Variants in OPRM1 observed in about 807,000 individuals in gnomAD.
OPRM1 encodes opioid receptor mu 1.
OPRM1 carries 27 observed loss-of-function variants against 31.8 expected under a neutral mutation model. That is an observed-to-expected ratio of 0.85 (90% CI 0.63 to 1.17). The LOEUF is 1.17. Ranked by LOEUF, OPRM1 falls within the 50% of genes most tolerant of loss-of-function variation. OPRM1 has a pLI of 0.00. For missense variants in OPRM1, 536 were observed against 511.1 expected (o/e 1.05, Z -0.47); for synonymous variants, 196 against 189.9 (o/e 1.03, Z -0.26).
chr6:154,107,948 T>G, intron 3 of OPRM1: 1 of 473,096 alleles, frequency 2.1e-6, no homozygotes, highest in Non-Finnish European at 3.6e-6. Context: ...AGATAAACAC[T>G]GATTTTTTTA....
At chr6:154,208,429 A>C (rs1428419168) in intron 3 of OPRM1, among the ~76,000 whole-genome samples, 1 of 152,094 alleles carries the variant, frequency 6.6e-6, no homozygotes, top group Non-Finnish European at 1.5e-5. Context: ...GCCACAACCC[A>C]ATCTCTACCC....
chr6:154,237,409 A>T (rs1780221687), intron 3 of OPRM1, among the ~76,000 whole-genome samples: 1 of 152,196 alleles, frequency 6.6e-6, no homozygotes, highest in Non-Finnish European at 1.5e-5. Flanking sequence ...ACTTTCTTAC[A>T]CAGGACAGAT....
chr6:154,180,386 C>CTATATATATATATATA (rs58975780), intron 3 of OPRM1, among the ~76,000 whole-genome samples: 7 of 88,308 alleles, frequency 7.9e-5, no homozygotes, highest in Non-Finnish European at 1.5e-4. Flanking sequence ...ACAACAACAA[C>CTATATATATATATATA]TATATATATA....
Position 154,127,224 on chromosome 6 carries a change from T to G in OPRM1, c.*8503T>G, listed in dbSNP as rs1431554614. On this transcript the variant is annotated 3_prime_UTR_variant, in exon 4 of 4. Coordinates refer to ENST00000330432, the MANE Select transcript of OPRM1 (RefSeq NM_000914.5). ...TTCCTACCATAGTGATACATGTGGC[T>G]TTTCTTTGCTGTGTTCTGAGATGTC... is the stretch of plus-strand genomic sequence containing the variant. 6.6e-6 allele frequency among the ~76,000 whole-genome samples: 1 copy of G among 152,166 alleles called. No homozygotes were observed. The highest frequency in any genetic ancestry group is 1.5e-5 in the Non-Finnish European group (1 of 68,034).
chr6:154,083,716 G>A (rs1273898409), intron 1 of OPRM1: 2 of 152,458 alleles, frequency 1.3e-5, no homozygotes, highest in African/African-American at 2.4e-5. Flanking sequence ...GCCAAGGTGG[G>A]TGGATCACGA....
chr6:154,148,597 G>A (rs145577007), intron 3 of OPRM1, among the ~76,000 whole-genome samples: 1 of 152,274 alleles, frequency 6.6e-6, no homozygotes, highest in East Asian at 1.9e-4. Context: ...TCTCTGGTAG[G>A]TATTTTCATT....
chr6:154,032,631 G>A (rs1779077609), intron 1 of OPRM1, among the ~76,000 whole-genome samples: 1 of 151,986 alleles, frequency 6.6e-6, no homozygotes, highest in Non-Finnish European at 1.5e-5. Flanking sequence ...ATGGGATTCT[G>A]CTATGTTGCC....
At chr6:154,088,276 A>G (rs1051864890) in intron 1 of OPRM1, among the ~76,000 whole-genome samples, 2 of 152,322 alleles carry the variant, frequency 1.3e-5, no homozygotes, top group African/African-American at 4.8e-5. Flanking sequence ...ATCTATAAGA[A>G]CAGAAAGCAA....
intron 3 of OPRM1, among the ~76,000 whole-genome samples, chr6:154,184,978 A>G (rs1171046743): frequency 2.0e-5 from 3 of 152,236 alleles, no homozygotes; most frequent in African/African-American, 7.2e-5. Context: ...AAGTACTACC[A>G]GGGCCAGCCT....
intron 3 of OPRM1, among the ~76,000 whole-genome samples, chr6:154,096,240 A>C (rs920526759): frequency 6.6e-6 from 1 of 151,988 alleles, no homozygotes; most frequent in Non-Finnish European, 1.5e-5. Flanking sequence ...TATTATTTTT[A>C]GTGGAGATGG....
chr6:154,044,727 G>C (rs555693585), intron 1 of OPRM1, among the ~76,000 whole-genome samples: 1 of 152,256 alleles, frequency 6.6e-6, no homozygotes, highest in South Asian at 2.1e-4. Flanking sequence ...ATTGGTGTCT[G>C]TAGGTATTCA....
At chr6:154,181,144 A>C (rs1308773622) in intron 3 of OPRM1, among the ~76,000 whole-genome samples, 1 of 152,186 alleles carries the variant, frequency 6.6e-6, no homozygotes, top group Admixed American at 6.5e-5. Context: ...ACATAGCAAA[A>C]GATTTGAAAT....
At chr6:154,112,385 A>G (rs17174871) in intron 3 of OPRM1, among the ~76,000 whole-genome samples, 1 of 152,266 alleles carries the variant, frequency 6.6e-6, no homozygotes, top group Non-Finnish European at 1.5e-5. Context: ...AAGTATCAGC[A>G]TGCTAATGCC....
intron 3 of OPRM1, chr6:154,158,276 A>C (rs1156907066): frequency 6.6e-6 from 1 of 152,220 alleles, no homozygotes; most frequent in Non-Finnish European, 1.5e-5. Flanking sequence ...AGGCAGGGCC[A>C]ACATGGGTAC....
At chr6:154,221,305 T>A in intron 3 of OPRM1, 1 of 1,613,924 alleles carries the variant, frequency 6.2e-7, no homozygotes, top group Non-Finnish European at 8.5e-7. Context: ...GGTCTTGATC[T>A]GTGGATGGCT....
intron 3 of OPRM1, among the ~76,000 whole-genome samples, chr6:154,115,685 A>G (rs1283079025): frequency 6.6e-6 from 1 of 152,210 alleles, no homozygotes; most frequent in East Asian, 1.9e-4. Flanking sequence ...AAATCAGGAT[A>G]TAGAAGTTTA....
rs538101272 is a variant in OPRM1, at chr6:154,230,388, A to G, written c.1165-16305A>G. Among the ~76,000 whole-genome samples, 5 of 152,340 alleles carry G rather than the reference A, an allele frequency of 3.3e-5. No homozygotes were observed. In the South Asian group the frequency reaches 1.0e-3, roughly 32 times the overall value. On this transcript the variant is annotated intron_variant, in intron 3 of 3. Transcript: ENST00000337049. ...GCTGTGAGCCTAAAACTGCTCTAAA[A>G]AAATTAAGTCTTTTAGAAATTAACT...
At chr6:154,201,155 G>T (rs959012397) in intron 3 of OPRM1, among the ~76,000 whole-genome samples, 4 of 152,172 alleles carry the variant, frequency 2.6e-5, no homozygotes, top group African/African-American at 9.7e-5. Flanking sequence ...CAGCCATGTG[G>T]AACTGTGAGT....
intron 3 of OPRM1, among the ~76,000 whole-genome samples, chr6:154,245,557 G>A (rs1159860115): frequency 6.6e-6 from 1 of 152,190 alleles, no homozygotes; most frequent in Non-Finnish European, 1.5e-5. Flanking sequence ...TACTTATTTT[G>A]CATTTATAAA....
Sources: gnomAD v4.1 joint callset for allele counts (sites outside exome capture counted in the v4.1 genomes callset) on GRCh38, gnomAD v4.1.1 for gene constraint, MANE v1.5 for transcripts, NCBI Gene and HGNC (gene_info 2026-07-23, HGNC 2026-07-21) for gene names.